DIP2B: variants seen among roughly 807,000 people sequenced by gnomAD.
DIP2B encodes DIP2 acetate--CoA ligase B (putative), also known as disco-interacting protein 2 homolog B.
A neutral mutation model predicts 198.0 loss-of-function variants in DIP2B; 76 were observed. That is an observed-to-expected ratio of 0.38 (90% CI 0.32 to 0.46). DIP2B has a LOEUF of 0.46. DIP2B is among the 20% of genes least tolerant of loss of function. The pLI is 0.99. For missense variants in DIP2B, 1,559 were observed against 1,978.4 expected (o/e 0.79, Z 4.02); for synonymous variants, 701 against 739.1 (o/e 0.95, Z 0.84).
chr12:50,712,483 A>G (rs1249132169), intron 22 of DIP2B, among the ~76,000 whole-genome samples: 2 of 152,190 alleles, frequency 1.3e-5, no homozygotes, highest in East Asian at 3.9e-4. Context: ...ACACACCTGT[A>G]ATCCCAGCTA....
intron 1 of DIP2B, 137 bp downstream of exon 1, chr12:50,505,377 G>A (rs1050769568): frequency 1.5e-5 from 9 of 618,230 alleles, no homozygotes; most frequent in Non-Finnish European, 2.1e-5. Flanking sequence ...GGCGCTCCAC[G>A]ACCGTTTTCC....
chr12:50,641,561 G>C (rs1328894935), intron 3 of DIP2B, among the ~76,000 whole-genome samples: 1 of 152,114 alleles, frequency 6.6e-6, no homozygotes, highest in Non-Finnish European at 1.5e-5. Context: ...TGCATAACTA[G>C]TCTCTCTTAA....
chr12:50,556,973 G>C (rs1286111405), intron 1 of DIP2B, among the ~76,000 whole-genome samples: 1 of 152,156 alleles, frequency 6.6e-6, no homozygotes, highest in Non-Finnish European at 1.5e-5. Flanking sequence ...GCCTCCCATA[G>C]TGCTGTGATT....
chr12:50,625,901 T>TA, intron 1 of DIP2B, 75 bp from the exon 2 acceptor site: 3 of 1,485,840 alleles, frequency 2.0e-6, no homozygotes. Context: ...AACTCTGTAA[T>TA]TAATTTTATT....
intron 1 of DIP2B, among the ~76,000 whole-genome samples, chr12:50,563,446 C>T (rs1348680351): frequency 2.7e-5 from 4 of 150,162 alleles, no homozygotes; most frequent in Non-Finnish European, 5.9e-5. Flanking sequence ...CTTGGCCTCC[C>T]AAAGTGCTGG....
chr12:50,706,717 A>C (rs1457007952), intron 21 of DIP2B, 52 bp downstream of exon 21: 5 of 1,588,810 alleles, frequency 3.1e-6, no homozygotes, highest in Non-Finnish European at 3.4e-6. Context: ...ATCTAAATAC[A>C]TCTTCACATG....
chr12:50,556,475 A>C (rs907060909), intron 1 of DIP2B, among the ~76,000 whole-genome samples: 3 of 152,202 alleles, frequency 2.0e-5, no homozygotes, highest in Non-Finnish European at 4.4e-5. Context: ...AAGTAAAATA[A>C]ATATTACTAA....
At chr12:50,653,808 C>T (rs927459442) in intron 3 of DIP2B, among the ~76,000 whole-genome samples, 1 of 151,744 alleles carries the variant, frequency 6.6e-6, no homozygotes, top group Non-Finnish European at 1.5e-5. Context: ...TGATTTTGCA[C>T]CCATTTCTCT....
At chr12:50,603,595 G>T (rs1192276604) in intron 1 of DIP2B, among the ~76,000 whole-genome samples, 5 of 152,052 alleles carry the variant, frequency 3.3e-5, no homozygotes, top group Non-Finnish European at 7.4e-5. Flanking sequence ...GCTGGGCATG[G>T]TTGCATGCTC....
At chr12:50,591,678 T>TC (rs1299264696) in intron 1 of DIP2B, among the ~76,000 whole-genome samples, 1 of 151,824 alleles carries the variant, frequency 6.6e-6, no homozygotes, top group African/African-American at 2.4e-5. Context: ...CAGACTGGTC[T>TC]CCAACTCCTG....
intron 1 of DIP2B, among the ~76,000 whole-genome samples, chr12:50,505,476 C>G (rs1301231368): frequency 6.6e-6 from 1 of 152,174 alleles, no homozygotes; most frequent in Non-Finnish European, 1.5e-5. Context: ...AAAGGTCCTC[C>G]CGGGCCCACA....
Position 50,520,380 on chromosome 12 carries a change from G to T in DIP2B, c.100+15140G>T, listed in dbSNP as rs1593575057. On this transcript the variant is annotated intron_variant, in intron 1 of 37. Coordinates refer to ENST00000301180, the MANE Select transcript of DIP2B (RefSeq NM_173602.3). ...AATCAACCCAGCAAGGAATTGTTAG[G>T]TAGAAGCTTCTGATAGTTCTTGTTT... Among the ~76,000 whole-genome samples the T allele has an allele frequency of 2.6e-5, 4 of 152,286 alleles. No homozygotes were observed. The East Asian group carries it at 5.8e-4, about 22-fold the overall frequency.
chr12:50,664,328 C>T (rs1470786604), intron 4 of DIP2B, among the ~76,000 whole-genome samples: 2 of 152,090 alleles, frequency 1.3e-5, no homozygotes, highest in Non-Finnish European at 2.9e-5. Context: ...ATGTCAGTCA[C>T]CCTAAAATTT....
At chr12:50,706,413 G>C (rs1267222630) in intron 20 of DIP2B, 125 bp from the exon 21 acceptor site, 3 of 1,175,026 alleles carry the variant, frequency 2.6e-6, no homozygotes, top group Non-Finnish European at 2.4e-6. Flanking sequence ...TCTAGAATCC[G>C]TAAAATATGG....
At chr12:50,614,205 CAA>C (rs1165800561) in intron 1 of DIP2B, among the ~76,000 whole-genome samples, 1 of 152,168 alleles carries the variant, frequency 6.6e-6, no homozygotes, top group East Asian at 1.9e-4. Flanking sequence ...ATCTACCTGC[CAA>C]ATCCAGTAGT....
At chr12:50,711,599 T>G (rs1387619161) in intron 22 of DIP2B, among the ~76,000 whole-genome samples, 1 of 152,184 alleles carries the variant, frequency 6.6e-6, no homozygotes, top group East Asian at 1.9e-4. Context: ...TTCACTCTTG[T>G]CTCCCAGGCT....
chr12:50,710,874 C>T (rs947675140), intron 22 of DIP2B, among the ~76,000 whole-genome samples: 3 of 152,102 alleles, frequency 2.0e-5, no homozygotes, highest in Admixed American at 1.3e-4. Flanking sequence ...GAAGGTAGAA[C>T]GGGGCAGATC....
At chr12:50,585,353 T>C (rs1958761228) in intron 1 of DIP2B, among the ~76,000 whole-genome samples, 1 of 152,228 alleles carries the variant, frequency 6.6e-6, no homozygotes, top group Admixed American at 6.5e-5. Flanking sequence ...ATAAATCGTG[T>C]GCTGACTGTG....
At chr12:50,660,833 A>G (rs894904912) in intron 4 of DIP2B, among the ~76,000 whole-genome samples, 11 of 152,076 alleles carry the variant, frequency 7.2e-5, no homozygotes, top group Admixed American at 2.0e-4. Context: ...AACGTATATA[A>G]GTGTGTTTAT....
Sources: gnomAD v4.1 joint callset for allele counts (sites outside exome capture counted in the v4.1 genomes callset) on GRCh38, gnomAD v4.1.1 for gene constraint, MANE v1.5 for transcripts, NCBI Gene and HGNC (gene_info 2026-07-23, HGNC 2026-07-21) for gene names.